CHRM3: variants seen among roughly 807,000 people sequenced by gnomAD.
CHRM3 encodes the protein cholinergic receptor muscarinic 3.
Under a neutral mutation model 41.8 loss-of-function variants are expected in CHRM3, and 11 were observed. The ratio of observed to expected loss-of-function variants is 0.26; its 90% CI spans 0.17 to 0.44. CHRM3 has a LOEUF of 0.44. CHRM3 is among the 20% of genes least tolerant of loss of function. The pLI is 1.00. For synonymous variants in CHRM3, 297 were observed against 301.4 expected (o/e 0.99, Z 0.15); for missense variants, 571 against 745.4 (o/e 0.77, Z 2.72).
intron 3 of CHRM3, among the ~76,000 whole-genome samples, chr1:239,562,642 C>T (rs184271907): frequency 4.6e-5 from 7 of 152,050 alleles, no homozygotes; most frequent in African/African-American, 7.2e-5. Flanking sequence ...ATAATCCCAG[C>T]GCTTTGGGAG....
At chr1:239,488,038 C>G (rs1273518551) in intron 1 of CHRM3, among the ~76,000 whole-genome samples, 1 of 152,100 alleles carries the variant, frequency 6.6e-6, no homozygotes, top group East Asian at 1.9e-4. Flanking sequence ...ATAAGACACA[C>G]TGATTTGCAA....
chr1:239,591,277 G>T (rs1384690260), intron 3 of CHRM3, among the ~76,000 whole-genome samples: 1 of 152,054 alleles, frequency 6.6e-6, no homozygotes, highest in African/African-American at 2.4e-5. Flanking sequence ...TGTGACACAC[G>T]CTTCCATTAC....
chr1:239,669,023 G>T (rs897876146), intron 4 of CHRM3, among the ~76,000 whole-genome samples: 3 of 152,094 alleles, frequency 2.0e-5, no homozygotes, highest in South Asian at 2.1e-4. Context: ...TTTTCTGAGC[G>T]ACTTCATCCT....
chr1:239,632,370 A>G (rs1669948146), intron 4 of CHRM3, 84 bp downstream of exon 4: 1 of 152,232 alleles, frequency 6.6e-6, no homozygotes, highest in African/African-American at 2.4e-5. Context: ...ACAAGGAATA[A>G]GAATGTATAA....
At chr1:239,859,562 GC>G (rs1255721938) in intron 6 of CHRM3, among the ~76,000 whole-genome samples, 1 of 151,168 alleles carries the variant, frequency 6.6e-6, no homozygotes, top group East Asian at 2.0e-4. Context: ...TTACAGGCAT[GC>G]ACTACGATGC....
chr1:239,657,675 A>G (rs900909179), intron 4 of CHRM3, among the ~76,000 whole-genome samples: 1 of 152,194 alleles, frequency 6.6e-6, no homozygotes, highest in African/African-American at 2.4e-5. Context: ...ATTAAATCTC[A>G]TGGCAAAACC....
intron 5 of CHRM3, among the ~76,000 whole-genome samples, chr1:239,733,626 G>C (rs1039687096): frequency 6.6e-6 from 1 of 151,960 alleles, no homozygotes; most frequent in Non-Finnish European, 1.5e-5. Context: ...AGCATCTTCT[G>C]TAAGAAAGTT....
intron 3 of CHRM3, among the ~76,000 whole-genome samples, chr1:239,598,187 G>C (rs1038719031): frequency 2.0e-5 from 3 of 152,020 alleles, no homozygotes; most frequent in African/African-American, 7.2e-5. Context: ...TCTTAGAAAG[G>C]CCTCAGTTAC....
At chr1:239,842,587 G>C (rs1673907936) in intron 6 of CHRM3, among the ~76,000 whole-genome samples, 1 of 152,020 alleles carries the variant, frequency 6.6e-6, no homozygotes, top group Non-Finnish European at 1.5e-5. Flanking sequence ...GAAAAGAAAA[G>C]GAAGGACTGA....
intron 5 of CHRM3, among the ~76,000 whole-genome samples, chr1:239,789,083 A>G (rs1669138598): frequency 6.6e-6 from 1 of 152,146 alleles, no homozygotes; most frequent in African/African-American, 2.4e-5. Flanking sequence ...TGGCTTCACC[A>G]TGTTCAAATG....
intron 3 of CHRM3, among the ~76,000 whole-genome samples, chr1:239,566,801 A>G (rs1661402350): frequency 1.3e-5 from 2 of 152,192 alleles, no homozygotes; most frequent in African/African-American, 4.8e-5. Context: ...GATGCAGACA[A>G]AGTTGGCTTT....
intron 5 of CHRM3, among the ~76,000 whole-genome samples, chr1:239,756,946 T>C (rs1666293459): frequency 6.6e-6 from 1 of 152,126 alleles, no homozygotes; most frequent in Admixed American, 6.5e-5. Context: ...ATTGTTTGAG[T>C]TTTTAAGCAT....
chr1:239,563,865 A>G (rs1661112805), intron 3 of CHRM3, among the ~76,000 whole-genome samples: 1 of 152,204 alleles, frequency 6.6e-6, no homozygotes, highest in African/African-American at 2.4e-5. Context: ...GGAGTAATTT[A>G]CTATTCTAGG....
chr1:239,681,599 A>G (rs917524324), intron 5 of CHRM3, among the ~76,000 whole-genome samples: 1 of 152,212 alleles, frequency 6.6e-6, no homozygotes, highest in Non-Finnish European at 1.5e-5. Flanking sequence ...ACCAATAAAG[A>G]TGTTATAAAT....
At chr1:239,762,988 C>A (rs1666923073) in intron 5 of CHRM3, among the ~76,000 whole-genome samples, 1 of 152,052 alleles carries the variant, frequency 6.6e-6, no homozygotes, top group East Asian at 1.9e-4. Context: ...TTATAAAATT[C>A]TGTGGCATTT....
intron 3 of CHRM3, among the ~76,000 whole-genome samples, chr1:239,552,971 A>G (rs1397404089): frequency 3.9e-5 from 6 of 152,134 alleles, no homozygotes; most frequent in South Asian, 2.1e-4. Flanking sequence ...GATCATAACA[A>G]TAATGGCCAC....
intron 5 of CHRM3, among the ~76,000 whole-genome samples, chr1:239,825,002 TG>T (rs1672339979): frequency 6.6e-6 from 1 of 152,258 alleles, no homozygotes; most frequent in African/African-American, 2.4e-5. Context: ...CATTCATTCA[TG>T]TATTTAACAT....
chr1:239,705,980 G>A (rs1020675867), intron 5 of CHRM3, among the ~76,000 whole-genome samples: 2 of 151,446 alleles, frequency 1.3e-5, no homozygotes, highest in African/African-American at 2.4e-5. Context: ...AGAATTAAAT[G>A]TTGTAAGTCT....
At chr1:239,843,934 G>A (rs1277754574) in intron 6 of CHRM3, among the ~76,000 whole-genome samples, 2 of 151,888 alleles carry the variant, frequency 1.3e-5, no homozygotes, top group Admixed American at 1.3e-4. Context: ...ATACATACGT[G>A]TCTATATATA....
Sources: allele counts gnomAD v4.1 joint callset (sites outside exome capture counted in the v4.1 genomes callset), GRCh38; gene constraint gnomAD v4.1.1; transcripts MANE v1.5; gene names NCBI Gene and HGNC (gene_info 2026-07-23, HGNC 2026-07-21).